Variants in YPEL1 observed in about 807,000 individuals in gnomAD.
YPEL1 encodes protein yippee-like 1.
A neutral mutation model predicts 17.3 loss-of-function variants in YPEL1; 7 were observed. That is an observed-to-expected ratio of 0.40 (90% CI 0.23 to 0.76). The LOEUF (loss-of-function observed/expected upper bound fraction) is 0.76. YPEL1 is among the 30% of genes least tolerant of loss of function. The pLI is 0.35. For missense variants in YPEL1, 91 were observed against 155.5 expected, an observed-to-expected ratio of 0.59 and a Z score of 2.21; for synonymous variants, 59 against 59.6, an observed-to-expected ratio of 0.99 and a Z score of 0.05.
chr22:21,724,472 G>A (rs933183553), intron 1 of YPEL1, among the ~76,000 whole-genome samples: 2 of 152,132 alleles, frequency 1.3e-5, no homozygotes, highest in African/African-American at 4.8e-5. Flanking sequence ...GGGAGATGGA[G>A]GTTGCTGTGA....
Position 21,703,304 on chromosome 22 carries a change from G to A in YPEL1, c.270+66C>T, listed in dbSNP as rs1490376143. 2 of 1,388,638 alleles carry A rather than the reference G, an allele frequency of 1.4e-6. No homozygotes were observed. Among genetic ancestry groups the A allele is most frequent in the South Asian group, 1.2e-5 (1 of 86,356 alleles). 86.0% of individuals were successfully genotyped at this position (1,388,638 alleles called of 1,614,324 possible). ...ACCATGGGCCACACTGCACGGGGAG[G>A]TGTGGCTCAGTGGCAACTTAGTGCC... On this transcript the variant is annotated intron_variant, in intron 4 of 4. Coordinates refer to ENST00000339468, the MANE Select transcript of YPEL1 (RefSeq NM_013313.5). The surrounding 1 kb of genome is among the most constrained non-coding windows in gnomAD (Gnocchi z 6.1).
At chr22:21,732,276 C>T (rs78098226) in intron 1 of YPEL1, among the ~76,000 whole-genome samples, 2 of 152,194 alleles carry the variant, frequency 1.3e-5, no homozygotes, top group East Asian at 3.8e-4. Context: ...TGAGAACTTT[C>T]TTCAACCTCC....
At chr22:21,720,845 G>A (rs572645815) in intron 1 of YPEL1, among the ~76,000 whole-genome samples, 5 of 133,008 alleles carry the variant, frequency 3.8e-5, no homozygotes, top group Admixed American at 1.8e-4. Context: ...GTCTTGCTCT[G>A]TCACTCAGAC....
At chr22:21,713,717 A>C (rs2068194042) in intron 1 of YPEL1, among the ~76,000 whole-genome samples, 1 of 152,186 alleles carries the variant, frequency 6.6e-6, no homozygotes, top group Non-Finnish European at 1.5e-5. Context: ...GAAATGGTTA[A>C]GATGGTAAGA....
chr22:21,709,807 A>G (rs909736299), intron 2 of YPEL1, among the ~76,000 whole-genome samples: 2 of 148,868 alleles, frequency 1.3e-5, no homozygotes, highest in African/African-American at 5.0e-5. Flanking sequence ...GGATGAGTGG[A>G]GGTAATGATC....
intron 1 of YPEL1, among the ~76,000 whole-genome samples, chr22:21,733,677 G>A (rs2068410209): frequency 6.6e-6 from 1 of 151,170 alleles, no homozygotes; most frequent in Admixed American, 6.6e-5. Context: ...AGTGGAGACA[G>A]TGCCATTATA....
intron 1 of YPEL1, among the ~76,000 whole-genome samples, chr22:21,718,455 G>A (rs2068249589): frequency 6.6e-6 from 1 of 151,082 alleles, no homozygotes; most frequent in Admixed American, 6.6e-5. Context: ...ACAGAGCGAG[G>A]CTCCATCAAA....
rs1347599002 is a variant in YPEL1 at position 21,698,549 on chromosome 22, C to G, written c.*2580G>C. 1 of 152,344 alleles carries G rather than the reference C, an allele frequency of 6.6e-6. No individual in the cohort carries two copies. Among genetic ancestry groups the G allele is most frequent in the Non-Finnish European group, 1.5e-5 (1 of 68,050 alleles). 9.4% of individuals were successfully genotyped at this position (152,344 alleles called of 1,614,324 possible). On this transcript the variant is annotated 3_prime_UTR_variant, in exon 5 of 5. Coordinates refer to ENST00000339468, the MANE Select transcript of YPEL1 (RefSeq NM_013313.5). ...GAACCTCCAACTGTTTCCCCTAGTC[C>G]CCGGGGCATCGGAGGCTGGGTTCCC...
chr22:21,733,384 C>G (rs1400664689), intron 1 of YPEL1, among the ~76,000 whole-genome samples: 1 of 152,056 alleles, frequency 6.6e-6, no homozygotes, highest in African/African-American at 2.4e-5. Flanking sequence ...CCACTGCACT[C>G]CAGCCTGGGT....
intron 2 of YPEL1, among the ~76,000 whole-genome samples, chr22:21,707,291 C>A (rs1314070354): frequency 6.6e-6 from 1 of 152,126 alleles, no homozygotes; most frequent in Non-Finnish European, 1.5e-5. Flanking sequence ...GTGGCGCACA[C>A]CTGTAGTCCC....
chr22:21,734,796 T>C (rs1033825238), intron 1 of YPEL1, among the ~76,000 whole-genome samples: 1 of 152,184 alleles, frequency 6.6e-6, no homozygotes, highest in African/African-American at 2.4e-5. Context: ...TCCCCAGTGG[T>C]GGTAAACCTA....
intron 1 of YPEL1, among the ~76,000 whole-genome samples, chr22:21,731,612 G>T (rs2068388435): frequency 6.6e-6 from 1 of 151,952 alleles, no homozygotes; most frequent in Non-Finnish European, 1.5e-5. Context: ...GGTGGCGGGG[G>T]TATATGCCAA....
At position 21,710,642 on chromosome 22, in the gene YPEL1, C is replaced by T. The variant is rs1204032355; in HGVS notation, c.103G>A (p.Glu35Lys). ...HCRAHLANHD[E>K]LISKSFQGSQ... The stretch of plus-strand genomic sequence containing the variant: ...AAGCCACTTGCCTTGGAGATGAGCT[C>T]GTCATGATTGGCCAGGTGTGCTCTG... The change falls in exon 2 of 5, where the codon GAG (glutamate) becomes AAG (lysine). Residue 35 changes from glutamate to lysine, a missense_variant. Transcript: ENST00000339468. The T allele has an allele frequency of 2.5e-6, 4 of 1,614,084 alleles. No individual in the cohort carries two copies. Among genetic ancestry groups the T allele is most frequent in the East Asian group, 2.2e-5 (1 of 44,900 alleles).
chr22:21,718,574 A>G (rs1055431993), intron 1 of YPEL1, among the ~76,000 whole-genome samples: 19 of 152,322 alleles, frequency 1.2e-4, no homozygotes, highest in African/African-American at 4.3e-4. Flanking sequence ...ACAGGTGGAT[A>G]CAGACAGCAC....
intron 1 of YPEL1, among the ~76,000 whole-genome samples, chr22:21,726,786 C>T (rs933054564): frequency 6.6e-6 from 1 of 152,132 alleles, no homozygotes; most frequent in African/African-American, 2.4e-5. Context: ...GGCTGAGCCT[C>T]CCAGCTGTGA....
chr22:21,728,159 G>A (rs1372147168), intron 1 of YPEL1, among the ~76,000 whole-genome samples: 2 of 152,128 alleles, frequency 1.3e-5, no homozygotes, highest in African/African-American at 4.8e-5. Flanking sequence ...AGAGGGATGA[G>A]CGGTGAGAGG....
chr22:21,714,119 G>A (rs1439594758), intron 1 of YPEL1, among the ~76,000 whole-genome samples: 2 of 151,384 alleles, frequency 1.3e-5, no homozygotes, highest in Non-Finnish European at 2.9e-5. Flanking sequence ...CACCCAGGAC[G>A]GCGTCTGCCC....
In YPEL1 at chr22:21,703,707, C is replaced by CTG; in HGVS notation, c.161+131_161+132insCA. On this transcript the variant is annotated intron_variant, in intron 3 of 4. Transcript: ENST00000339468. The surrounding 1 kb of genome is among the most constrained non-coding windows in gnomAD (Gnocchi z 6.1). ...GATCCTTAGCGCGTTTCAGAAACTC[C>CTG]CGGCGGGGGGATGGTGGGTTCTTTC... 1 of 660,016 alleles carries CTG rather than the reference C, an allele frequency of 1.5e-6. No individual in the cohort carries two copies. The highest frequency in any genetic ancestry group is 2.3e-6 in the Non-Finnish European group (1 of 430,024). The allele number at this position is 660,016 out of a possible 1,614,324, so 40.9% of individuals were successfully genotyped here. A position where few individuals can be genotyped will look rare whatever the true frequency, so the allele number is the denominator to read the frequency against.
chr22:21,732,991 C>A (rs1382276473), intron 1 of YPEL1, among the ~76,000 whole-genome samples: 1 of 152,014 alleles, frequency 6.6e-6, no homozygotes, highest in Admixed American at 6.6e-5. Flanking sequence ...TGGTGCACAC[C>A]CACAGTCCCA....
Sources: allele counts gnomAD v4.1 joint callset (sites outside exome capture counted in the v4.1 genomes callset), GRCh38; gene constraint gnomAD v4.1.1; non-coding constraint Gnocchi (gnomAD v3.1); transcripts MANE v1.5; gene names NCBI Gene and HGNC (gene_info 2026-07-23, HGNC 2026-07-21).